Variants in SLIT3 observed in about 807,000 individuals in gnomAD.
The protein encoded by SLIT3 is slit homolog 3 protein.
SLIT3 carries 68 observed loss-of-function variants against 184.0 expected under a neutral mutation model. That is an observed-to-expected ratio of 0.37 (90% CI 0.30 to 0.45). SLIT3 has a LOEUF of 0.45. SLIT3 is among the 20% of genes least tolerant of loss of function. The probability of loss-of-function intolerance (pLI) is 1.00; values close to 1 mark genes in which losing one functional copy is unlikely to be tolerated. For synonymous variants in SLIT3, 831 were observed against 828.6 expected, an observed-to-expected ratio of 1.00 and a Z score of -0.05; for missense variants, 1,707 against 2,026.0, an observed-to-expected ratio of 0.84 and a Z score of 3.02.
At chr5:168,843,855 CTTAG>C (rs769310649) in intron 6 of SLIT3, among the ~76,000 whole-genome samples, 17 of 152,152 alleles carry the variant, frequency 1.1e-4, no homozygotes, top group Non-Finnish European at 1.8e-4. Flanking sequence ...GTTAGGTTTT[CTTAG>C]TTAGACTCAT....
chr5:168,939,152 C>G (rs1476994449), intron 4 of SLIT3, among the ~76,000 whole-genome samples: 1 of 152,202 alleles, frequency 6.6e-6, no homozygotes, highest in Non-Finnish European at 1.5e-5. Flanking sequence ...GACAAAGCAG[C>G]ACCAGGTCAA....
intron 4 of SLIT3, among the ~76,000 whole-genome samples, chr5:169,002,770 A>C (rs1490908200): frequency 6.6e-6 from 1 of 152,008 alleles, no homozygotes; most frequent in Non-Finnish European, 1.5e-5. Context: ...ACTATTAGCT[A>C]ATTTTGCCAT....
In SLIT3 at chr5:169,117,992, G is replaced by C. The variant is rs549741135; in HGVS notation, c.413+75487C>G. ...TTATGGTTGTCACATTCTATGATGTGTGCCTTTTGCCTTCCCACTTGAATA... is the reference window on the plus strand; with the variant it reads ...TTATGGTTGTCACATTCTATGATGTCTGCCTTTTGCCTTCCCACTTGAATA... On this transcript the variant is annotated intron_variant, in intron 4 of 35. Coordinates refer to ENST00000519560, the MANE Select transcript of SLIT3 (RefSeq NM_003062.4). Among the ~76,000 whole-genome samples the C allele has an allele frequency of 6.6e-5, 10 of 152,268 alleles. No homozygotes were observed. The South Asian group carries it at 1.2e-3, about 19-fold the overall frequency.
chr5:169,071,838 G>T (rs1231996072), intron 4 of SLIT3, among the ~76,000 whole-genome samples: 1 of 152,162 alleles, frequency 6.6e-6, no homozygotes, highest in East Asian at 1.9e-4. Context: ...TGGTTAGGAG[G>T]GTGGGATGAG....
chr5:168,713,220 C>G (rs1210775510), intron 23 of SLIT3, among the ~76,000 whole-genome samples: 6 of 152,184 alleles, frequency 3.9e-5, no homozygotes, highest in Non-Finnish European at 8.8e-5. Flanking sequence ...CATCTTCCCA[C>G]AGCACGTTGG....
intron 4 of SLIT3, among the ~76,000 whole-genome samples, chr5:169,161,167 T>C (rs1762464659): frequency 6.6e-6 from 1 of 152,188 alleles, no homozygotes; most frequent in South Asian, 2.1e-4. Context: ...CAATGAAATA[T>C]GGCATACCAT....
At chr5:169,271,345 CTGAGA>C (rs767173429) in intron 1 of SLIT3, among the ~76,000 whole-genome samples, 2 of 152,182 alleles carry the variant, frequency 1.3e-5, no homozygotes, top group African/African-American at 2.4e-5. Context: ...CTCAGTCATC[CTGAGA>C]TGAGTCTCCT....
At chr5:168,962,668 C>G (rs1295425223) in intron 4 of SLIT3, among the ~76,000 whole-genome samples, 1 of 152,238 alleles carries the variant, frequency 6.6e-6, no homozygotes, top group Non-Finnish European at 1.5e-5. Context: ...GCAGCCTGAG[C>G]TGGCGCTCTT....
intron 1 of SLIT3, among the ~76,000 whole-genome samples, chr5:169,252,030 G>A (rs77769450): frequency 6.6e-6 from 1 of 152,184 alleles, no homozygotes; most frequent in Non-Finnish European, 1.5e-5. Flanking sequence ...TTTTGAGAGT[G>A]TATGACCCAT....
At chr5:169,016,663 C>G (rs558764847) in intron 4 of SLIT3, among the ~76,000 whole-genome samples, 2 of 152,252 alleles carry the variant, frequency 1.3e-5, no homozygotes, top group African/African-American at 4.8e-5. Context: ...CAATAACATA[C>G]AGATCAACGA....
intron 4 of SLIT3, among the ~76,000 whole-genome samples, chr5:169,089,482 T>G (rs1759485316): frequency 6.6e-6 from 1 of 152,198 alleles, no homozygotes; most frequent in Non-Finnish European, 1.5e-5. Flanking sequence ...AGGTAGCTAT[T>G]AGCCTAGAAT....
chr5:169,084,853 G>A (rs1000126392), intron 4 of SLIT3, among the ~76,000 whole-genome samples: 1 of 152,108 alleles, frequency 6.6e-6, no homozygotes, highest in Non-Finnish European at 1.5e-5. Flanking sequence ...TCCACTGGGA[G>A]GAAGGGGCCC....
At chr5:168,940,506 CTTTT>C (rs912861136) in intron 4 of SLIT3, among the ~76,000 whole-genome samples, 1 of 151,400 alleles carries the variant, frequency 6.6e-6, no homozygotes, top group Non-Finnish European at 1.5e-5. Context: ...GTATCTTTAT[CTTTT>C]TTTTTAAGTA....
intron 3 of SLIT3, among the ~76,000 whole-genome samples, chr5:169,240,684 T>C (rs778407992): frequency 2.6e-5 from 4 of 151,054 alleles, no homozygotes; most frequent in Non-Finnish European, 5.9e-5. Flanking sequence ...ACACTGACAA[T>C]CTATGTTTTT....
At chr5:169,077,094 C>T (rs1204018932) in intron 4 of SLIT3, among the ~76,000 whole-genome samples, 1 of 152,148 alleles carries the variant, frequency 6.6e-6, no homozygotes, top group Non-Finnish European at 1.5e-5. Flanking sequence ...ACAAACTCTC[C>T]TCTTCTTCCT....
In SLIT3 at chr5:168,750,204, C is replaced by T. The variant is rs192678491; in HGVS notation, c.1974-569G>A. Among the ~76,000 whole-genome samples the T allele has an allele frequency of 1.4e-4, 21 of 152,260 alleles. No homozygotes were observed. In the East Asian group the frequency reaches 3.7e-3, roughly 27 times the overall value. Reference sequence around the variant, plus strand: ...TTGCCTCTGCATATCCAGAAACTAGCGTTATGTCATCACAGGCACTTTATA... The same window carrying T: ...TTGCCTCTGCATATCCAGAAACTAGTGTTATGTCATCACAGGCACTTTATA... On this transcript the variant is annotated intron_variant, in intron 18 of 35. Transcript: ENST00000519560.
chr5:169,193,039 T>G (rs1332113923), intron 4 of SLIT3, among the ~76,000 whole-genome samples: 1 of 152,018 alleles, frequency 6.6e-6, no homozygotes, highest in Non-Finnish European at 1.5e-5. Flanking sequence ...CGCTAGGAAG[T>G]GGGAAAAAGG....
At chr5:168,806,752 C>T (rs1756977840) in intron 8 of SLIT3, among the ~76,000 whole-genome samples, 165 bp from the exon 9 acceptor site, 1 of 152,160 alleles carries the variant, frequency 6.6e-6, no homozygotes, top group African/African-American at 2.4e-5. Context: ...GTGCCACAGG[C>T]TAAATATTCA....
At chr5:168,697,205 T>TA (rs1762088488) in intron 27 of SLIT3, among the ~76,000 whole-genome samples, 1 of 152,218 alleles carries the variant, frequency 6.6e-6, no homozygotes, top group Admixed American at 6.5e-5. Flanking sequence ...GGATGAAGGC[T>TA]AGAGTGGGAG....
Sources: allele counts gnomAD v4.1 joint callset (sites outside exome capture counted in the v4.1 genomes callset), GRCh38; gene constraint gnomAD v4.1.1; transcripts MANE v1.5; gene names NCBI Gene and HGNC (gene_info 2026-07-23, HGNC 2026-07-21).